Variants in ENOX2 observed in about 807,000 individuals in gnomAD.
ENOX2 encodes ecto-NOX disulfide-thiol exchanger 2, also known as APK1 antigen.
A neutral mutation model predicts 45.0 loss-of-function variants in ENOX2; 36 were observed. The observed-to-expected ratio is 0.80, with a 90% confidence interval of 0.61 to 1.06. The LOEUF is 1.06. Ranked by LOEUF, ENOX2 falls within the 50% of genes least tolerant of loss-of-function variation. The pLI, the probability that ENOX2 is intolerant of heterozygous loss-of-function variation, is 0.00. For synonymous variants in ENOX2, 174 were observed against 152.3 expected, an observed-to-expected ratio of 1.14 and a Z score of -1.05; for missense variants, 423 against 462.5, an observed-to-expected ratio of 0.91 and a Z score of 0.78.
At chrX:130,648,257 T>C (rs774263021) in intron 10 of ENOX2, among the ~76,000 whole-genome samples, 1 of 109,887 alleles carries the variant, frequency 9.1e-6, no homozygotes, top group African/African-American at 3.3e-5. Context: ...CTGACCAACA[T>C]AGAGAAACCT....
intron 6 of ENOX2, among the ~76,000 whole-genome samples, chrX:130,673,242 T>G (rs1376024964): frequency 9.0e-6 from 1 of 110,753 alleles, no homozygotes; most frequent in Non-Finnish European, 1.9e-5. Flanking sequence ...AAATAAGAAG[T>G]GACAGCTTCC....
chrX:130,676,602 G>A (rs1337063287), intron 6 of ENOX2, among the ~76,000 whole-genome samples: 2 of 111,041 alleles, frequency 1.8e-5, no homozygotes, highest in Non-Finnish European at 3.8e-5. Flanking sequence ...GGTTTTTTGA[G>A]ACCTTTATGT....
In ENOX2 at chrX:130,705,780, G is replaced by A. The variant is rs778199998; in HGVS notation, c.-38-2526C>T. ...CTGGGGTGGAGCCTTGGAAGTTCAT[G>A]TGTTTGCAGTGGGAAGGAGCCTGGC... On this transcript the variant is annotated intron_variant, in intron 3 of 14. Coordinates refer to ENST00000394363, the MANE Select transcript of ENOX2 (RefSeq NM_006375.4). Among the ~76,000 whole-genome samples the A allele has an allele frequency of 4.5e-5, 5 of 111,814 alleles. No individual in the cohort carries two copies. In the East Asian group the frequency reaches 1.4e-3, roughly 32 times the overall value.
chrX:130,832,914 T>A (rs943718839), intron 2 of ENOX2, among the ~76,000 whole-genome samples: 1 of 109,903 alleles, frequency 9.1e-6, no homozygotes, highest in African/African-American at 3.3e-5. Context: ...TTGAATTACA[T>A]ACCTAAATAT....
chrX:130,876,745 A>C (rs1232805102), intron 2 of ENOX2, among the ~76,000 whole-genome samples: 1 of 111,670 alleles, frequency 9.0e-6, no homozygotes, highest in African/African-American at 3.3e-5. Flanking sequence ...GGGTCACCAC[A>C]CTACATAACT....
At chrX:130,715,970 A>G (rs1325208472) in intron 3 of ENOX2, among the ~76,000 whole-genome samples, 1 of 111,883 alleles carries the variant, frequency 8.9e-6, no homozygotes, top group East Asian at 2.8e-4. Flanking sequence ...AATGGTGGGC[A>G]TTACCTCTGA....
At chrX:130,745,048 C>G (rs956832460) in intron 3 of ENOX2, among the ~76,000 whole-genome samples, 1 of 111,761 alleles carries the variant, frequency 8.9e-6, no homozygotes, top group Non-Finnish European at 1.9e-5. Context: ...CCGACTCAGT[C>G]TGTGGAAAAA....
At chrX:130,717,829 A>G (rs2038368378) in intron 3 of ENOX2, among the ~76,000 whole-genome samples, 1 of 111,613 alleles carries the variant, frequency 9.0e-6, no homozygotes, top group African/African-American at 3.3e-5. Context: ...AAAGTCCACC[A>G]TGTACCCCTC....
At chrX:130,813,060 C>T (rs867163750) in intron 2 of ENOX2, among the ~76,000 whole-genome samples, 4 of 111,814 alleles carry the variant, frequency 3.6e-5, no homozygotes, top group African/African-American at 9.8e-5. Flanking sequence ...TTTTGAATTA[C>T]GAACGCTTAA....
chrX:130,631,849 C>G lies in ENOX2; in HGVS notation c.1420-273G>C, dbSNP rs767146700. Among the ~76,000 whole-genome samples the G allele has an allele frequency of 8.7e-5, 9 of 102,946 alleles. No homozygotes were observed. The South Asian group carries it at 3.8e-3, about 44-fold the overall frequency. 89.4% of individuals were successfully genotyped at this position (102,946 alleles called of 115,157 possible). On this transcript the variant is annotated intron_variant, in intron 12 of 14. Transcript: ENST00000394363. ...TGCCTTCATCTTGACTTTATACAAG[C>G]AATCTGGGCAACTAGACCCAACATT...
intron 2 of ENOX2, among the ~76,000 whole-genome samples, chrX:130,848,923 T>G (rs1386133865): frequency 8.9e-6 from 1 of 111,892 alleles, no homozygotes; most frequent in African/African-American, 3.3e-5. Context: ...GGAGAAGATG[T>G]CCAACTGCAA....
At chrX:130,635,141 T>C (rs1370955552) in intron 11 of ENOX2, 50 bp from the exon 12 acceptor site, 2 of 732,340 alleles carry the variant, frequency 2.7e-6, no homozygotes, top group African/African-American at 4.3e-5. Context: ...GGAGCCACAC[T>C]TCATTTAAAA....
At chrX:130,756,728 T>A (rs1027184098) in intron 3 of ENOX2, among the ~76,000 whole-genome samples, 20 of 112,168 alleles carry the variant, frequency 1.8e-4, no homozygotes, top group African/African-American at 5.8e-4. Flanking sequence ...GTTCAATAAA[T>A]ATAATCTCTT....
intron 2 of ENOX2, among the ~76,000 whole-genome samples, chrX:130,891,084 T>C (rs1375920274): frequency 8.9e-6 from 1 of 111,796 alleles, no homozygotes; most frequent in African/African-American, 3.2e-5. Context: ...CTCACACCAA[T>C]AATCCTAGTA....
chrX:130,853,165 GA>G (rs1283968736), intron 2 of ENOX2, among the ~76,000 whole-genome samples: 1 of 106,770 alleles, frequency 9.4e-6, no homozygotes, highest in Admixed American at 9.9e-5. Context: ...TGGGCAGAGG[GA>G]AAAAAAAAGC....
At chrX:130,750,294 T>C (rs2039188645) in intron 3 of ENOX2, among the ~76,000 whole-genome samples, 1 of 111,107 alleles carries the variant, frequency 9.0e-6, no homozygotes, top group Non-Finnish European at 1.9e-5. Flanking sequence ...TCTCTGTTAA[T>C]ACTTTGTCTC....
chrX:130,646,746 A>G (rs2036247599), intron 10 of ENOX2, among the ~76,000 whole-genome samples: 1 of 112,118 alleles, frequency 8.9e-6, no homozygotes, highest in Admixed American at 9.4e-5. Context: ...GGAAAATTAT[A>G]ATGTTTTATG....
chrX:130,843,493 G>T (rs2148506007), intron 2 of ENOX2, among the ~76,000 whole-genome samples: 1 of 111,072 alleles, frequency 9.0e-6, no homozygotes, highest in Non-Finnish European at 1.9e-5. Context: ...CTTCTTTATT[G>T]TTCATAGACT....
At chrX:130,855,242 T>G (rs1283269050) in intron 2 of ENOX2, among the ~76,000 whole-genome samples, 1 of 111,953 alleles carries the variant, frequency 8.9e-6, no homozygotes, top group Non-Finnish European at 1.9e-5. Context: ...TTCTATATAT[T>G]AGCAATGAAT....
Sources: allele counts gnomAD v4.1 joint callset (sites outside exome capture counted in the v4.1 genomes callset), GRCh38; gene constraint gnomAD v4.1.1; transcripts MANE v1.5; gene names NCBI Gene and HGNC (gene_info 2026-07-23, HGNC 2026-07-21).